COBLL1: variants seen among roughly 807,000 people sequenced by gnomAD.
COBLL1 encodes the protein cordon-bleu protein-like 1.
Under a neutral mutation model 94.8 loss-of-function variants are expected in COBLL1, and 50 were observed. That is an observed-to-expected ratio of 0.53 (90% CI 0.42 to 0.67). COBLL1 has a LOEUF of 0.67. Ranked by LOEUF, COBLL1 falls within the 30% of genes least tolerant of loss-of-function variation. COBLL1 has a pLI of 0.00. For synonymous variants in COBLL1, 448 were observed against 473.8 expected (o/e 0.95, Z 0.71); for missense variants, 1,362 against 1,348.7 (o/e 1.01, Z -0.15).
chr2:164,729,991 C>T lies in COBLL1; in HGVS notation c.355G>A (p.Gly119Arg). Residue 119 changes from glycine to arginine, a missense_variant, in exon 4 of 14, where the codon GGA becomes AGA. Physicochemically the swap from Gly to Arg is moderately radical, Grantham distance 125. Transcript: ENST00000652658. ...HIKFKPNTPI[G>R]MLEVEKVILK... is the part of the protein sequence containing the mutation. ...ATTACCTTCTCTACCTCCAACATTC[C>T]TATTGGTGTGTTTGGCTTAAATTTA... 6.2e-7 allele frequency: 1 copy of T among 1,613,968 alleles called. No homozygotes were observed. The highest frequency in any genetic ancestry group is 8.5e-7 in the Non-Finnish European group (1 of 1,179,966).
At chr2:164,832,266 G>A (rs947249389) in intron 2 of COBLL1, among the ~76,000 whole-genome samples, 28 of 152,134 alleles carry the variant, frequency 1.8e-4, no homozygotes, top group African/African-American at 6.8e-4. Flanking sequence ...AATTACAGAA[G>A]CTATGATGTA....
intron 2 of COBLL1, among the ~76,000 whole-genome samples, chr2:164,770,772 G>C (rs1170050140): frequency 6.6e-6 from 1 of 152,128 alleles, no homozygotes; most frequent in Admixed American, 6.6e-5. Context: ...GCCAAGTAAT[G>C]GTGGTGGTCA....
chr2:164,714,183 T>TA (rs1685049857), intron 7 of COBLL1, among the ~76,000 whole-genome samples: 2 of 143,810 alleles, frequency 1.4e-5, no homozygotes, highest in Admixed American at 1.4e-4. Context: ...ACACACACAT[T>TA]AAAAAATCCC....
intron 2 of COBLL1, among the ~76,000 whole-genome samples, chr2:164,662,649 A>T (rs1691089808): frequency 6.6e-6 from 1 of 152,172 alleles, no homozygotes; most frequent in Non-Finnish European, 1.5e-5. Context: ...TGGCTTTCTC[A>T]TTAACGGTTT....
intron 2 of COBLL1, among the ~76,000 whole-genome samples, chr2:164,839,256 G>T (rs879873096): frequency 6.6e-6 from 1 of 152,152 alleles, no homozygotes; most frequent in Non-Finnish European, 1.5e-5. Flanking sequence ...AGGCTCTTTT[G>T]TACTTTCTTT....
At chr2:164,698,405 T>C in intron 11 of COBLL1, 1 of 150,238 alleles carries the variant, frequency 6.7e-6, no homozygotes, top group South Asian at 2.1e-4. Flanking sequence ...TATATAATTA[T>C]ATATATAAGT....
intron 2 of COBLL1, among the ~76,000 whole-genome samples, chr2:164,658,662 G>A (rs1354808116): frequency 6.6e-6 from 1 of 152,190 alleles, no homozygotes; most frequent in Non-Finnish European, 1.5e-5. Flanking sequence ...CATCTGATGG[G>A]TGCTATCAAT....
intron 2 of COBLL1, among the ~76,000 whole-genome samples, chr2:164,805,346 T>A (rs1415171880): frequency 3.7e-5 from 4 of 108,040 alleles, no homozygotes; most frequent in African/African-American, 1.5e-4. Context: ...TCTATATATA[T>A]ATATATATAT....
At chr2:164,828,099 T>TA (rs1685519214) in intron 2 of COBLL1, among the ~76,000 whole-genome samples, 1 of 152,196 alleles carries the variant, frequency 6.6e-6, no homozygotes. Context: ...TTAATGGCTA[T>TA]AAAAATGAAT....
At chr2:164,783,264 T>A (rs928114682) in intron 2 of COBLL1, among the ~76,000 whole-genome samples, 2 of 151,986 alleles carry the variant, frequency 1.3e-5, no homozygotes, top group Non-Finnish European at 2.9e-5. Flanking sequence ...GAAAAAAAAA[T>A]TAACCAGGTG....
chr2:164,737,409 G>A (rs1686361634), intron 3 of COBLL1, among the ~76,000 whole-genome samples: 4 of 152,044 alleles, frequency 2.6e-5, no homozygotes, highest in Admixed American at 6.6e-5. Context: ...CTAGATGACA[G>A]GATGATTAAA....
rs1208119264 is a variant in COBLL1 at position 164,814,824 on chromosome 2, T to A, written c.41+26332A>T. ...TTAGAAAAAATGTATAAATTCTTACTATCCTCTAAACCTTCCTCCACCCTC... is the reference window on the plus strand; with the variant it reads ...TTAGAAAAAATGTATAAATTCTTACAATCCTCTAAACCTTCCTCCACCCTC... On this transcript the variant is annotated intron_variant, in intron 2 of 13. Coordinates refer to ENST00000652658, the MANE Select transcript of COBLL1 (RefSeq NM_001365672.2). Among the ~76,000 whole-genome samples the A allele has an allele frequency of 2.0e-5, 3 of 152,206 alleles. No homozygotes were observed. The East Asian group carries it at 5.8e-4, about 29-fold the overall frequency.
chr2:164,718,974 G>C (rs965489027), intron 7 of COBLL1, among the ~76,000 whole-genome samples: 1 of 151,848 alleles, frequency 6.6e-6, no homozygotes, highest in Non-Finnish European at 1.5e-5. Flanking sequence ...AGAGGATCTT[G>C]GATGCCCAGA....
intron 2 of COBLL1, among the ~76,000 whole-genome samples, chr2:164,833,341 A>G (rs571927823): frequency 1.3e-5 from 2 of 152,308 alleles, no homozygotes; most frequent in East Asian, 3.9e-4. Context: ...GCCACAGAGC[A>G]AGACCCTGTC....
At chr2:164,760,537 G>A (rs1387719978) in intron 2 of COBLL1, among the ~76,000 whole-genome samples, 1 of 152,112 alleles carries the variant, frequency 6.6e-6, no homozygotes, top group Non-Finnish European at 1.5e-5. Context: ...CAAACATAAT[G>A]ATTATAGAAT....
chr2:164,775,272 C>T (rs770597748), intron 2 of COBLL1, among the ~76,000 whole-genome samples: 6 of 152,122 alleles, frequency 3.9e-5, no homozygotes, highest in Non-Finnish European at 8.8e-5. Context: ...TCTTCATTAA[C>T]ACCAATGCCC....
chr2:164,772,721 C>T (rs912299817), intron 2 of COBLL1, among the ~76,000 whole-genome samples: 1 of 152,060 alleles, frequency 6.6e-6, no homozygotes, highest in Non-Finnish European at 1.5e-5. Context: ...TTCTATACCA[C>T]AATTTTATCT....
chr2:164,727,883 T>A, intron 5 of COBLL1, 86 bp downstream of exon 5: 1 of 882,912 alleles, frequency 1.1e-6, no homozygotes, highest in Non-Finnish European at 1.8e-6. Context: ...ATTATGAACT[T>A]GAGAACACCT....
intron 2 of COBLL1, among the ~76,000 whole-genome samples, chr2:164,809,383 A>G (rs1410550452): frequency 6.6e-6 from 1 of 152,024 alleles, no homozygotes; most frequent in Non-Finnish European, 1.5e-5. Flanking sequence ...AGCCAGCAAA[A>G]TCCCTGTTTC....
Sources: allele counts gnomAD v4.1 joint callset (sites outside exome capture counted in the v4.1 genomes callset), GRCh38; gene constraint gnomAD v4.1.1; transcripts MANE v1.5; gene names NCBI Gene and HGNC (gene_info 2026-07-23, HGNC 2026-07-21).